SLC24A3: variants seen among roughly 807,000 people sequenced by gnomAD.
The protein encoded by SLC24A3 is sodium/potassium/calcium exchanger 3.
In SLC24A3, 28 loss-of-function variants were observed where a neutral mutation model predicts 75.8. The observed-to-expected ratio is 0.37, with a 90% CI of 0.27 to 0.51. The LOEUF (loss-of-function observed/expected upper bound fraction) is 0.51, where lower values mean the gene tolerates loss of function less well. Among genes scored for constraint, SLC24A3 ranks in the 20% least tolerant of loss-of-function variants. SLC24A3 has a pLI of 0.94. For missense variants in SLC24A3, 663 were observed against 847.8 expected (o/e 0.78, Z 2.71); for synonymous variants, 372 against 334.1 (o/e 1.11, Z -1.24).
chr20:19,549,528 A>G (rs2030657315), intron 3 of SLC24A3, among the ~76,000 whole-genome samples: 1 of 152,210 alleles, frequency 6.6e-6, no homozygotes. Flanking sequence ...TCATGCCTGC[A>G]ATCCCAGCAC....
At chr20:19,542,049 A>G (rs146233380) in intron 3 of SLC24A3, among the ~76,000 whole-genome samples, 4 of 152,174 alleles carry the variant, frequency 2.6e-5, no homozygotes, top group Non-Finnish European at 5.9e-5. Context: ...TATCAAATCA[A>G]ATGAAGGGGG....
At chr20:19,584,719 C>T (rs1168113091) in intron 4 of SLC24A3, among the ~76,000 whole-genome samples, 1 of 152,198 alleles carries the variant, frequency 6.6e-6, no homozygotes, top group East Asian at 1.9e-4. Flanking sequence ...TAGTTCCCTC[C>T]CCAAACCTGT....
chr20:19,503,789 C>T (rs1988422115), intron 2 of SLC24A3, among the ~76,000 whole-genome samples: 1 of 152,174 alleles, frequency 6.6e-6, no homozygotes, highest in African/African-American at 2.4e-5. Context: ...AACTAGAAAT[C>T]AAGCTAAAGA....
chr20:19,673,512 C>A, intron 8 of SLC24A3, 89 bp from the exon 9 acceptor site: 1 of 1,123,748 alleles, frequency 8.9e-7, no homozygotes, highest in Non-Finnish European at 1.4e-6. Flanking sequence ...CTATCCTGGC[C>A]GTTTGCATCA....
chr20:19,551,974 T>C (rs2030703523), intron 3 of SLC24A3, among the ~76,000 whole-genome samples: 1 of 152,210 alleles, frequency 6.6e-6, no homozygotes, highest in South Asian at 2.1e-4. Context: ...ACTGACTGTA[T>C]GTGGGGCTAC....
chr20:19,694,636 G>A (rs968322008), intron 13 of SLC24A3: 4 of 152,142 alleles, frequency 2.6e-5, no homozygotes, highest in African/African-American at 9.7e-5. Flanking sequence ...CTGACCTTAA[G>A]GTGCTACATG....
chr20:19,369,025 C>T (rs1183094857), intron 2 of SLC24A3, among the ~76,000 whole-genome samples: 1 of 152,102 alleles, frequency 6.6e-6, no homozygotes, highest in Non-Finnish European at 1.5e-5. Flanking sequence ...GAAAAATTAC[C>T]ATTTGACAAT....
At chr20:19,593,714 G>A (rs61425266) in intron 6 of SLC24A3, among the ~76,000 whole-genome samples, 144 of 152,292 alleles carry the variant, frequency 9.5e-4, no homozygotes, top group African/African-American at 3.3e-3. Context: ...AGTCAGCTTA[G>A]ACCAAGGGCC....
At chr20:19,448,406 A>G (rs1312525893) in intron 2 of SLC24A3, among the ~76,000 whole-genome samples, 1 of 152,200 alleles carries the variant, frequency 6.6e-6, no homozygotes, top group African/African-American at 2.4e-5. Flanking sequence ...TGCAAACACA[A>G]CCTTGAGTTT....
intron 2 of SLC24A3, among the ~76,000 whole-genome samples, chr20:19,464,560 G>A (rs1394344436): frequency 6.6e-6 from 1 of 152,220 alleles, no homozygotes; most frequent in African/African-American, 2.4e-5. Flanking sequence ...TGAACTCTTC[G>A]TATTCTCACT....
chr20:19,213,171 G>T (rs757905548), intron 1 of SLC24A3, 187 bp downstream of exon 1: 78 of 597,150 alleles, frequency 1.3e-4, no homozygotes, highest in Non-Finnish European at 1.7e-4. Context: ...TGGAGGTGGG[G>T]ACCCTGAGCG....
intron 15 of SLC24A3, among the ~76,000 whole-genome samples, chr20:19,711,537 TGCAAACATGCAAACATGCAG>T (rs1291128144): frequency 1.5e-5 from 2 of 133,408 alleles, no homozygotes; most frequent in Non-Finnish European, 3.5e-5. Context: ...CACACATGCA[TGCAAACATGCAAACATGCAG>T]GCAAACGCAC....
chr20:19,451,908 A>G (rs905406889), intron 2 of SLC24A3, among the ~76,000 whole-genome samples: 2 of 152,126 alleles, frequency 1.3e-5, no homozygotes, highest in African/African-American at 4.8e-5. Flanking sequence ...TTTCAGCCCC[A>G]ATAAAGTGAA....
At chr20:19,380,028 C>T (rs1568604024) in intron 2 of SLC24A3, among the ~76,000 whole-genome samples, 1 of 152,152 alleles carries the variant, frequency 6.6e-6, no homozygotes, top group Non-Finnish European at 1.5e-5. Context: ...CAAAAGTGAA[C>T]CCAGTTCCTG....
intron 2 of SLC24A3, among the ~76,000 whole-genome samples, chr20:19,426,953 C>G (rs1987017493): frequency 6.6e-6 from 1 of 152,094 alleles, no homozygotes; most frequent in Non-Finnish European, 1.5e-5. Context: ...AAAAGATTCC[C>G]AGGTGAATGC....
chr20:19,228,301 C>G (rs1981923206), intron 1 of SLC24A3, among the ~76,000 whole-genome samples: 1 of 152,026 alleles, frequency 6.6e-6, no homozygotes, highest in Admixed American at 6.6e-5. Context: ...GGTTACTTTT[C>G]ATTATGCTGT....
At chr20:19,235,657 G>A (rs938346131) in intron 1 of SLC24A3, among the ~76,000 whole-genome samples, 2 of 152,284 alleles carry the variant, frequency 1.3e-5, no homozygotes, top group South Asian at 4.2e-4. Flanking sequence ...CTTCTTACCT[G>A]TCTGGCCCTC....
chr20:19,535,218 G>A (rs878928), intron 3 of SLC24A3, among the ~76,000 whole-genome samples: 133,937 of 152,262 alleles, frequency 0.88, 59,065 homozygotes, highest in Middle Eastern at 0.92. Context: ...GCTACATTTT[G>A]GTAGCTTAAA....
At chr20:19,413,510 G>A (rs961909497) in intron 2 of SLC24A3, among the ~76,000 whole-genome samples, 5 of 152,138 alleles carry the variant, frequency 3.3e-5, no homozygotes, top group African/African-American at 1.2e-4. Flanking sequence ...AAAGGAGACT[G>A]TCTGGGAAGA....
Sources: gnomAD v4.1 joint callset for allele counts (sites outside exome capture counted in the v4.1 genomes callset) on GRCh38, gnomAD v4.1.1 for gene constraint, MANE v1.5 for transcripts, NCBI Gene and HGNC (gene_info 2026-07-23, HGNC 2026-07-21) for gene names.